The following TGFB1 variants were observed in gnomAD, a reference collection of about 807,000 sequenced individuals.
TGFB1 encodes the protein transforming growth factor beta-1 proprotein.
Under a neutral mutation model 43.8 loss-of-function variants are expected in TGFB1, and 19 were observed. The ratio of observed to expected loss-of-function variants is 0.43; its 90% CI spans 0.30 to 0.64. The LOEUF (loss-of-function observed/expected upper bound fraction) is 0.64. Among genes scored for constraint, TGFB1 ranks in the 30% least tolerant of loss-of-function variants. TGFB1 has a pLI of 0.11. For missense variants in TGFB1, 445 were observed against 529.8 expected, an observed-to-expected ratio of 0.84 and a Z score of 1.57; for synonymous variants, 221 against 236.3, an observed-to-expected ratio of 0.94 and a Z score of 0.60.
chr19:41,348,630 T>A (rs1475529465), intron 1 of TGFB1, among the ~76,000 whole-genome samples, 175 bp from the exon 2 acceptor site: 12 of 149,814 alleles, frequency 8.0e-5, no homozygotes, highest in Non-Finnish European at 7.4e-5. Context: ...AATGAATTTT[T>A]TTTTTTTTTT....
rs1163126529 is a variant in TGFB1 at position 41,353,245 on chromosome 19, C to T, written c.-201G>A. On this transcript the variant is annotated 5_prime_UTR_variant, in exon 1 of 7. Transcript: ENST00000221930. This position sits in a 1 kb window ranked among gnomAD's most constrained non-coding sequence, Gnocchi z 5.9. ...TGTCTCAGTATCCCACGGAAATAAC[C>T]TAGATGGGCGCGATCTGGTACCAGA... The T allele has an allele frequency of 1.6e-5, 10 of 607,496 alleles. No individual in the cohort carries two copies. The South Asian group carries it at 1.7e-4, about 10-fold the overall frequency. The allele number at this position is 607,496 out of a possible 1,614,324, so 37.6% of individuals were successfully genotyped here. A position where few individuals can be genotyped will look rare whatever the true frequency, so the allele number is the denominator to read the frequency against.
At chr19:41,345,496 C>T (rs1483584968) in intron 2 of TGFB1, among the ~76,000 whole-genome samples, 1 of 152,058 alleles carries the variant, frequency 6.6e-6, no homozygotes, top group Non-Finnish European at 1.5e-5. Flanking sequence ...GACTTCGTCT[C>T]AAAATAATAA....
intron 2 of TGFB1, 39 bp from the exon 3 acceptor site, chr19:41,344,903 A>C (rs202077445): frequency 6.6e-7 from 1 of 1,523,118 alleles, no homozygotes; most frequent in South Asian, 1.2e-5. Context: ...CAGTGGGTAG[A>C]TGGTGTCACG....
intron 2 of TGFB1, among the ~76,000 whole-genome samples, chr19:41,347,827 C>CAAA (rs58257608): frequency 9.1e-5 from 6 of 65,688 alleles, no homozygotes; most frequent in Admixed American, 5.7e-4. Context: ...GACTCCATCT[C>CAAA]AAAAAAAAAA....
intron 1 of TGFB1, among the ~76,000 whole-genome samples, chr19:41,351,408 C>G (rs1012565223): frequency 6.6e-6 from 1 of 152,192 alleles, no homozygotes; most frequent in Non-Finnish European, 1.5e-5. Context: ...CCGCCCGTAG[C>G]TGGGGTGAGG....
At chr19:41,352,342 G>GC (rs2038211854) in intron 1 of TGFB1, among the ~76,000 whole-genome samples, 60 of 51,718 alleles carry the variant, frequency 1.2e-3, no homozygotes, top group African/African-American at 4.1e-3. Flanking sequence ...GGCACCCCAC[G>GC]ACCCCCCCCC....
At position 41,330,682 on chromosome 19, in the gene TGFB1, A is replaced by G. The variant is rs528369770; in HGVS notation, c.*370T>C. 2.6e-5 allele frequency: 5 copies of G among 193,052 alleles called. No homozygotes were observed. The highest frequency in any genetic ancestry group is 6.0e-5 in the Admixed American group (1 of 16,736). The allele number at this position is 193,052 out of a possible 1,614,324, so 12.0% of individuals were successfully genotyped here. A position where few individuals can be genotyped will look rare whatever the true frequency, so the allele number is the denominator to read the frequency against. Reference sequence around the variant, plus strand: ...AGTCCCTGCATCTCAGAGTGTTGCTATGGTGACTGAATGAGTTCATTAATG... The same window carrying G: ...AGTCCCTGCATCTCAGAGTGTTGCTGTGGTGACTGAATGAGTTCATTAATG... On this transcript the variant is annotated 3_prime_UTR_variant, in exon 7 of 7. Transcript: ENST00000221930.
chr19:41,335,998 T>TA (rs1459084602), intron 5 of TGFB1, among the ~76,000 whole-genome samples: 2 of 150,836 alleles, frequency 1.3e-5, no homozygotes, highest in Non-Finnish European at 3.0e-5. Context: ...ATGAAAGTTT[T>TA]TTTTTTTTTT....
At chr19:41,331,307 C>T in intron 6 of TGFB1, 97 bp from the exon 7 acceptor site, 1 of 1,363,782 alleles carries the variant, frequency 7.3e-7, no homozygotes, top group Non-Finnish European at 9.6e-7. Context: ...GCCAGCCTCT[C>T]TCACTTCGTC....
intron 3 of TGFB1, among the ~76,000 whole-genome samples, chr19:41,343,309 T>C (rs2038079926): frequency 6.6e-6 from 1 of 152,006 alleles, no homozygotes; most frequent in Admixed American, 6.6e-5. Flanking sequence ...TAATTATGTA[T>C]TTTTAGTAGA....
intron 5 of TGFB1, among the ~76,000 whole-genome samples, chr19:41,340,717 A>G (rs1159912942): frequency 1.3e-5 from 2 of 152,166 alleles, no homozygotes; most frequent in Non-Finnish European, 2.9e-5. Flanking sequence ...TCAAAACAGA[A>G]TTCTACCACT....
chr19:41,332,430 C>G, intron 5 of TGFB1, 149 bp from the exon 6 acceptor site: 1 of 798,576 alleles, frequency 1.3e-6, no homozygotes, highest in South Asian at 1.7e-5. Flanking sequence ...GTGTTAATAA[C>G]AACACAAATA....
rs542349512 is a variant in TGFB1 at position 41,346,384 on chromosome 19, G to A, written c.517-1520C>T. On this transcript the variant is annotated intron_variant, in intron 2 of 6. Transcript: ENST00000221930. ...ACAAAAAAAAGAAGAATTTTCTGGG[G>A]CTGGATAGTCCACTCCAGGGACTGC... is the stretch of plus-strand genomic sequence containing the variant. Among the ~76,000 whole-genome samples, 96 of 152,256 alleles carry A rather than the reference G, an allele frequency of 6.3e-4. No homozygotes were observed. The South Asian group carries it at 8.5e-3, about 13-fold the overall frequency.
chr19:41,336,968 T>TA (rs397818790), intron 5 of TGFB1, among the ~76,000 whole-genome samples: 2 of 150,904 alleles, frequency 1.3e-5, no homozygotes, highest in East Asian at 1.9e-4. Flanking sequence ...TTTTTTTTTT[T>TA]AATTTTTGAG....
rs2038237074 is a variant in TGFB1 at position 41,353,189 on chromosome 19, G to T, written c.-145C>A. On this transcript the variant is annotated 5_prime_UTR_variant, in exon 1 of 7. Transcript: ENST00000221930. This position sits in a 1 kb window ranked among gnomAD's most constrained non-coding sequence, Gnocchi z 5.9. ...AGCTGAGGTCCTCAGGGAGAAGGGC[G>T]CAGTGGTGGAGGGGAGGCTTGGACC... is the stretch of plus-strand genomic sequence containing the variant. 3.8e-6 allele frequency: 4 copies of T among 1,063,972 alleles called. No individual in the cohort carries two copies. Among genetic ancestry groups the T allele is most frequent in the Non-Finnish European group, 3.9e-6 (3 of 774,826 alleles). 65.9% of individuals were successfully genotyped at this position (1,063,972 alleles called of 1,614,324 possible). A position where few individuals can be genotyped will look rare whatever the true frequency, so the allele number is the denominator to read the frequency against.
Position 41,342,152 on chromosome 19 carries a change from C to T in TGFB1, c.712+18G>A, listed in dbSNP as rs201098266. On this transcript the variant is annotated intron_variant, in intron 4 of 6. Coordinates refer to ENST00000221930, the MANE Select transcript of TGFB1 (RefSeq NM_000660.7). ...CACACACGTCACAACTGGGCATGGC[C>T]GGGGAAGCAGGCCTCACCGTTGATG... 3.0e-5 allele frequency: 49 copies of T among 1,610,484 alleles called. No homozygotes were observed. The highest frequency in any genetic ancestry group is 4.5e-5 in the East Asian group (2 of 44,574).
rs111781417 is a variant in TGFB1, at chr19:41,342,167, C to A, written c.712+3G>T. The stretch of plus-strand genomic sequence containing the variant: ...TGGGCATGGCCGGGGAAGCAGGCCT[C>A]ACCGTTGATGTCCACTTGCAGTGTG... On this transcript the variant is annotated splice_donor_region_variant and intron_variant, in intron 4 of 6. Coordinates refer to ENST00000221930, the MANE Select transcript of TGFB1 (RefSeq NM_000660.7). The A allele has an allele frequency of 1.2e-6, 2 of 1,610,002 alleles. No individual in the cohort carries two copies. Among genetic ancestry groups the A allele is most frequent in the South Asian group, 1.1e-5 (1 of 90,346 alleles).
At chr19:41,331,566 C>CTTTTT (rs3061187) in intron 6 of TGFB1, among the ~76,000 whole-genome samples, 12 of 77,442 alleles carry the variant, frequency 1.5e-4, no homozygotes, top group Admixed American at 1.4e-4. Flanking sequence ...CCACTCCTAG[C>CTTTTT]TTTTTTTTTT....
At chr19:41,334,585 G>C (rs1302195863) in intron 5 of TGFB1, among the ~76,000 whole-genome samples, 1 of 151,732 alleles carries the variant, frequency 6.6e-6, no homozygotes, top group Non-Finnish European at 1.5e-5. Flanking sequence ...GGGAGGCTAG[G>C]GCAGGCAGAC....
Sources: allele counts gnomAD v4.1 joint callset (sites outside exome capture counted in the v4.1 genomes callset), GRCh38; gene constraint gnomAD v4.1.1; non-coding constraint Gnocchi (gnomAD v3.1); transcripts MANE v1.5; gene names NCBI Gene and HGNC (gene_info 2026-07-23, HGNC 2026-07-21).